OTOGL: variants seen among roughly 807,000 people sequenced by gnomAD.
OTOGL encodes the protein otogelin like.
Under a neutral mutation model 318.5 loss-of-function variants are expected in OTOGL, and 285 were observed. The observed-to-expected ratio is 0.89, with a 90% CI of 0.81 to 0.99. The LOEUF is 0.99. OTOGL is among the 50% of genes least tolerant of loss of function. The probability of loss-of-function intolerance (pLI) is 0.00; values close to 1 mark genes in which losing one functional copy is unlikely to be tolerated. For missense variants in OTOGL, 2,899 were observed against 2,845.6 expected (o/e 1.02, Z -0.43); for synonymous variants, 987 against 936.5 (o/e 1.05, Z -0.99).
At chr12:80,191,648 C>T (rs1875705930) in intron 1 of OTOGL, among the ~76,000 whole-genome samples, 1 of 152,040 alleles carries the variant, frequency 6.6e-6, no homozygotes, top group Non-Finnish European at 1.5e-5. Context: ...AACAGTTGGC[C>T]TCTTACTGGG....
At chr12:80,240,159 T>G (rs1282875505) in intron 11 of OTOGL, among the ~76,000 whole-genome samples, 1 of 152,138 alleles carries the variant, frequency 6.6e-6, no homozygotes, top group Non-Finnish European at 1.5e-5. Flanking sequence ...CCATATTTTG[T>G]CTATTGTGAA....
At chr12:80,190,512 G>C (rs7957206) in intron 1 of OTOGL, among the ~76,000 whole-genome samples, 1 of 152,176 alleles carries the variant, frequency 6.6e-6, no homozygotes, top group Admixed American at 6.5e-5. Context: ...TCCAGGCCGG[G>C]CGCGGTGGCT....
In OTOGL at chr12:80,251,796, T is replaced by C. The variant is rs747909746; in HGVS notation, c.1156T>C (p.Cys386Arg). The change falls in exon 12 of 59, where the codon TGC becomes CGC. Residue 386 changes from cysteine (C) to arginine (R), a missense_variant. This residue lies in a region of OTOGL where 2,607 missense variants were observed against 2,524.9 expected (regional missense o/e 1.03). Coordinates refer to ENST00000547103, the MANE Select transcript of OTOGL (RefSeq NM_001378609.3). ...IQDWRDDFPA[C>R]TDKCDDSFVH... ...AGACTGGAGAGATGACTTTCCAGCA[T>C]GCAGTATGTTTTTTTATTTTCCAAG... The C allele has an allele frequency of 7.7e-6, 12 of 1,566,668 alleles. No individual in the cohort carries two copies. In the East Asian group the frequency reaches 2.6e-4, roughly 33 times the overall value.
intron 1 of OTOGL, among the ~76,000 whole-genome samples, chr12:80,182,120 C>T (rs143453666): frequency 0.01 from 1,551 of 152,200 alleles, 29 homozygotes; most frequent in African/African-American, 0.035. Context: ...CCACTGCACT[C>T]CAGTCTGGGC....
intron 44 of OTOGL, among the ~76,000 whole-genome samples, chr12:80,345,016 A>G (rs542769102): frequency 4.5e-5 from 6 of 133,516 alleles, no homozygotes; most frequent in East Asian, 2.0e-4. Context: ...ATTATTATAT[A>G]TTATATTTTA....
At chr12:80,128,389 G>A (rs918634796) in intron 1 of OTOGL, among the ~76,000 whole-genome samples, 5 of 152,296 alleles carry the variant, frequency 3.3e-5, no homozygotes, top group Admixed American at 1.3e-4. Context: ...CTGCCTGATC[G>A]TTCCTCTGGA....
chr12:80,232,176 T>C (rs113073449), intron 8 of OTOGL, among the ~76,000 whole-genome samples: 180 of 152,294 alleles, frequency 1.2e-3, no homozygotes, highest in African/African-American at 3.6e-3. Context: ...GCTTAAATAT[T>C]TTATGTGACC....
In OTOGL at chr12:80,355,709, T is replaced by A. The variant is rs180971703; in HGVS notation, c.5594-27T>A. Reference sequence around the variant, plus strand: ...TTTATTTTAGTGCCCAGGTTTTGAGTGTTATAATACTGTTGATCTTTTTAA... The same window carrying A: ...TTTATTTTAGTGCCCAGGTTTTGAGAGTTATAATACTGTTGATCTTTTTAA... On this transcript the variant is annotated intron_variant, in intron 46 of 58. Coordinates refer to ENST00000547103, the MANE Select transcript of OTOGL (RefSeq NM_001378609.3). 537 of 1,563,270 alleles carry A rather than the reference T, an allele frequency of 3.4e-4. 3 individuals are homozygous for A. In the African/African-American group the frequency reaches 6.5e-3, roughly 19 times the overall value.
At chr12:80,169,516 C>G (rs533919530) in intron 1 of OTOGL, among the ~76,000 whole-genome samples, 2 of 152,250 alleles carry the variant, frequency 1.3e-5, no homozygotes, top group East Asian at 3.9e-4. Flanking sequence ...TTGCATTTAG[C>G]TATTGTTTTA....
chr12:80,171,193 C>T (rs547677968), intron 1 of OTOGL, among the ~76,000 whole-genome samples: 2 of 152,070 alleles, frequency 1.3e-5, no homozygotes, highest in Non-Finnish European at 2.9e-5. Flanking sequence ...ACGCCTTAGT[C>T]TCTCAAGTAG....
intron 9 of OTOGL, among the ~76,000 whole-genome samples, chr12:80,237,439 G>C (rs1221460030): frequency 6.6e-6 from 1 of 152,140 alleles, no homozygotes; most frequent in Non-Finnish European, 1.5e-5. Flanking sequence ...AGGGCTCTCT[G>C]AGGCATACAT....
At chr12:80,102,239 A>G (rs532302107) in intron 1 of OTOGL, among the ~76,000 whole-genome samples, 2 of 152,336 alleles carry the variant, frequency 1.3e-5, no homozygotes, top group South Asian at 4.1e-4. Flanking sequence ...ACGATCTATC[A>G]ATCAGCTTAT....
At chr12:80,228,580 A>G (rs139101393) in intron 7 of OTOGL, among the ~76,000 whole-genome samples, 177 of 152,228 alleles carry the variant, frequency 1.2e-3, no homozygotes, top group African/African-American at 4.1e-3. Flanking sequence ...TATAGTTGTA[A>G]TCTCTGTTTT....
intron 7 of OTOGL, among the ~76,000 whole-genome samples, chr12:80,225,631 A>G (rs1055721685): frequency 1.3e-5 from 2 of 152,122 alleles, no homozygotes; most frequent in African/African-American, 4.8e-5. Flanking sequence ...TTTTATACAT[A>G]CTTATAAAAT....
At chr12:80,355,227 T>TCA (rs746887308) in intron 46 of OTOGL, among the ~76,000 whole-genome samples, 1 of 34,868 alleles carries the variant, frequency 2.9e-5, no homozygotes, top group African/African-American at 5.2e-5. Context: ...TTTCTTTCTT[T>TCA]TCTTTTTTTT....
chr12:80,305,198 G>GTA (rs143268344), intron 28 of OTOGL, among the ~76,000 whole-genome samples: 253 of 151,886 alleles, frequency 1.7e-3, no homozygotes, highest in South Asian at 3.1e-3. Context: ...AATTACATAT[G>GTA]TATATATATA....
intron 13 of OTOGL, 141 bp downstream of exon 13, chr12:80,252,342 G>GTCACTTCAAGGACC: frequency 1.1e-6 from 1 of 931,574 alleles, no homozygotes; most frequent in Non-Finnish European, 1.5e-6. Flanking sequence ...GTTGGTCCTT[G>GTCACTTCAAGGACC]AAGTGACAAG....
rs1891289108 is a variant in OTOGL, at chr12:80,378,338, T to C, written c.*290T>C. The C allele has an allele frequency of 4.3e-6, 1 of 232,496 alleles. No individual in the cohort carries two copies. Among genetic ancestry groups the C allele is most frequent in the African/African-American group, 2.3e-5 (1 of 44,248 alleles). 14.4% of individuals were successfully genotyped at this position (232,496 alleles called of 1,614,324 possible). ...GCAGATACAGTATATTCTCATCAAC[T>C]GGAAGGTTATTTTGCAAAATTCCTT... On this transcript the variant is annotated 3_prime_UTR_variant, in exon 59 of 59. Transcript: ENST00000547103.
chr12:80,279,684 C>G (rs1166948824), intron 26 of OTOGL, among the ~76,000 whole-genome samples: 1 of 151,766 alleles, frequency 6.6e-6, no homozygotes, highest in Non-Finnish European at 1.5e-5. Context: ...TTTATCCTTT[C>G]CACTGTTGAT....
Sources: gnomAD v4.1 joint callset for allele counts (sites outside exome capture counted in the v4.1 genomes callset) on GRCh38, gnomAD v4.1.1 for gene constraint, gnomAD v4.1.1 regional missense constraint, MANE v1.5 for transcripts, NCBI Gene and HGNC (gene_info 2026-07-23, HGNC 2026-07-21) for gene names.